Variants in CDH13 observed in about 807,000 individuals in gnomAD.
The protein encoded by CDH13 is cadherin-13.
In CDH13, 24 loss-of-function variants were observed where a neutral mutation model predicts 63.8. That is an observed-to-expected ratio of 0.38 (90% confidence interval 0.27 to 0.53). The LOEUF (loss-of-function observed/expected upper bound fraction) is 0.53, where lower values mean the gene tolerates loss of function less well. Among genes scored for constraint, CDH13 ranks in the 20% least tolerant of loss-of-function variants. The pLI is 0.85. For missense variants in CDH13, 1,049 were observed against 903.1 expected (o/e 1.16, Z -2.07); for synonymous variants, 503 against 355.3 (o/e 1.42, Z -4.67).
At chr16:82,882,082 G>T (rs1425670117) in intron 2 of CDH13, among the ~76,000 whole-genome samples, 1 of 152,090 alleles carries the variant, frequency 6.6e-6, no homozygotes, top group African/African-American at 2.4e-5. Flanking sequence ...AGCTCAGTCT[G>T]ATTCACATCA....
intron 6 of CDH13, among the ~76,000 whole-genome samples, chr16:83,455,076 A>G (rs1343675280): frequency 6.6e-6 from 1 of 152,200 alleles, no homozygotes; most frequent in Non-Finnish European, 1.5e-5. Flanking sequence ...AATCGGAGCC[A>G]TTGTTATCAC....
At chr16:83,099,648 A>G (rs2034379909) in intron 3 of CDH13, among the ~76,000 whole-genome samples, 1 of 98,888 alleles carries the variant, frequency 1.0e-5, no homozygotes. Flanking sequence ...CTAATCCTTA[A>G]CATAACAGCC....
chr16:82,862,207 C>G (rs192560818), intron 2 of CDH13, among the ~76,000 whole-genome samples: 5 of 152,126 alleles, frequency 3.3e-5, no homozygotes, highest in African/African-American at 9.7e-5. Context: ...CTTAGTACCA[C>G]CAGAATTGGA....
At chr16:82,870,364 G>C (rs892996943) in intron 2 of CDH13, among the ~76,000 whole-genome samples, 3 of 152,110 alleles carry the variant, frequency 2.0e-5, no homozygotes, top group East Asian at 1.9e-4. Context: ...TACACTGTTG[G>C]TGGGAATGTA....
At chr16:83,363,682 A>G (rs17284390) in intron 6 of CDH13, among the ~76,000 whole-genome samples, 13,299 of 152,282 alleles carry the variant, frequency 0.087, 806 homozygotes, top group Non-Finnish European at 0.13. Flanking sequence ...ATGTCACACC[A>G]GAGAATCTGT....
intron 2 of CDH13, among the ~76,000 whole-genome samples, chr16:83,025,225 A>G (rs969251919): frequency 6.6e-6 from 1 of 152,210 alleles, no homozygotes; most frequent in African/African-American, 2.4e-5. Flanking sequence ...AGTACCTTTC[A>G]GGAGGATGCC....
At position 82,884,984 on chromosome 16, in the gene CDH13, G is replaced by A. The variant is rs1210882113; in HGVS notation, c.157+26511G>A. 3.3e-5 allele frequency among the ~76,000 whole-genome samples: 5 copies of A among 152,216 alleles called. No individual in the cohort carries two copies. In the South Asian group the frequency reaches 8.3e-4, roughly 25 times the overall value. On this transcript the variant is annotated intron_variant, in intron 2 of 13. Coordinates refer to ENST00000567109, the MANE Select transcript of CDH13 (RefSeq NM_001257.5). ...TTGCACATTTCCTCTTAGTTGGGTG[G>A]ACTTACCCATATATACTTGGGTGAC...
chr16:82,937,059 A>G (rs2042690925), intron 2 of CDH13, among the ~76,000 whole-genome samples: 1 of 152,208 alleles, frequency 6.6e-6, no homozygotes. Context: ...ATCATTAAAC[A>G]GAGGGCAACT....
intron 1 of CDH13, among the ~76,000 whole-genome samples, chr16:82,696,956 C>A (rs1211941477): frequency 2.0e-5 from 3 of 152,146 alleles, no homozygotes; most frequent in Admixed American, 1.3e-4. Context: ...CCACAATAGG[C>A]TCTGCATAGG....
intron 5 of CDH13, among the ~76,000 whole-genome samples, chr16:83,252,942 T>C (rs1905760932): frequency 6.6e-6 from 1 of 152,160 alleles, no homozygotes; most frequent in Admixed American, 6.5e-5. Flanking sequence ...TAATTAACTT[T>C]CTGAACCTCT....
chr16:83,069,247 G>C (rs2032256131), intron 3 of CDH13, among the ~76,000 whole-genome samples: 1 of 152,182 alleles, frequency 6.6e-6, no homozygotes, highest in Non-Finnish European at 1.5e-5. Flanking sequence ...TTATTTATCA[G>C]AGTTCTAACA....
chr16:83,089,525 AG>A (rs5818425), intron 3 of CDH13, among the ~76,000 whole-genome samples: 22,640 of 152,122 alleles, frequency 0.15, 2,139 homozygotes, highest in African/African-American at 0.27. Context: ...TTGGCTCACC[AG>A]TGGGACCAGA....
chr16:82,854,738 C>T (rs952916242), intron 1 of CDH13, among the ~76,000 whole-genome samples: 8 of 152,158 alleles, frequency 5.3e-5, no homozygotes, highest in African/African-American at 1.9e-4. Context: ...AGTTAGACTT[C>T]CCTATACCCC....
intron 3 of CDH13, among the ~76,000 whole-genome samples, chr16:83,117,593 C>G (rs1185502951): frequency 2.0e-5 from 3 of 152,118 alleles, no homozygotes; most frequent in African/African-American, 4.8e-5. Flanking sequence ...CTTTTAGGCA[C>G]TGCACCATCC....
intron 1 of CDH13, among the ~76,000 whole-genome samples, chr16:82,839,222 G>A (rs1321648998): frequency 2.6e-5 from 4 of 152,116 alleles, no homozygotes; most frequent in African/African-American, 4.8e-5. Flanking sequence ...TTCTCAGGGA[G>A]CCCCCTCCAT....
At chr16:83,216,622 A>C (rs1379862681) in intron 4 of CDH13, among the ~76,000 whole-genome samples, 1 of 144,312 alleles carries the variant, frequency 6.9e-6, no homozygotes, top group East Asian at 2.0e-4. Context: ...TATATATAAT[A>C]CATAGGGGTT....
intron 2 of CDH13, among the ~76,000 whole-genome samples, chr16:83,002,469 A>G (rs977516303): frequency 2.0e-5 from 3 of 152,208 alleles, no homozygotes. Context: ...TGCTAGAGAA[A>G]AATTTCTGTT....
intron 9 of CDH13, among the ~76,000 whole-genome samples, chr16:83,674,841 A>T (rs545609727): frequency 6.1e-4 from 93 of 152,368 alleles, no homozygotes; most frequent in Non-Finnish European, 1.2e-3. Flanking sequence ...TCAGCTGAAT[A>T]TAATCAACCC....
intron 2 of CDH13, among the ~76,000 whole-genome samples, chr16:83,023,874 C>A (rs1296934508): frequency 6.6e-6 from 1 of 152,090 alleles, no homozygotes. Context: ...AAGAAGAAAA[C>A]GTAAAAGAAA....
Sources: allele counts gnomAD v4.1 joint callset (sites outside exome capture counted in the v4.1 genomes callset), GRCh38; gene constraint gnomAD v4.1.1; transcripts MANE v1.5; gene names NCBI Gene and HGNC (gene_info 2026-07-23, HGNC 2026-07-21).